NBAS: variants seen among roughly 807,000 people sequenced by gnomAD.
The protein encoded by NBAS is NBAS subunit of NRZ tethering complex.
NBAS carries 219 observed loss-of-function variants against 302.5 expected under a neutral mutation model. The observed-to-expected ratio is 0.72, with a 90% CI of 0.65 to 0.81. The LOEUF (loss-of-function observed/expected upper bound fraction) is 0.81, where lower values mean the gene tolerates loss of function less well. Ranked by LOEUF, NBAS falls within the 30% of genes least tolerant of loss-of-function variation. NBAS has a pLI of 0.00. For missense variants in NBAS, 2,932 were observed against 2,841.6 expected (o/e 1.03, Z -0.72); for synonymous variants, 1,118 against 1,021.6 (o/e 1.09, Z -1.80).
intron 51 of NBAS, among the ~76,000 whole-genome samples, chr2:15,174,490 AC>A (rs972325011): frequency 2.0e-5 from 3 of 152,128 alleles, no homozygotes; most frequent in African/African-American, 7.2e-5. Context: ...TCATAATCTC[AC>A]CCAAAATGGC....
intron 48 of NBAS, among the ~76,000 whole-genome samples, chr2:15,206,100 A>G (rs954084139): frequency 6.6e-6 from 1 of 152,210 alleles, no homozygotes; most frequent in African/African-American, 2.4e-5. Flanking sequence ...AGAGACTTTA[A>G]TGGTTTTGAC....
intron 11 of NBAS, among the ~76,000 whole-genome samples, chr2:15,495,370 A>C (rs544500007): frequency 6.6e-6 from 1 of 152,326 alleles, no homozygotes; most frequent in South Asian, 2.1e-4. Context: ...ATTTATAAGA[A>C]TACATGGACA....
intron 12 of NBAS, among the ~76,000 whole-genome samples, chr2:15,479,906 A>G (rs1680354596): frequency 6.6e-6 from 1 of 152,254 alleles, no homozygotes; most frequent in South Asian, 2.1e-4. Context: ...TAAATGTCGA[A>G]TAAGTAAATC....
the NBAS span, among the ~76,000 whole-genome samples, chr2:15,009,721 C>T: frequency 3.7e-3 from 291 of 78,594 alleles, 1 homozygote; most frequent in Non-Finnish European, 5.5e-3. Flanking sequence ...TATATATATA[C>T]GGTGCATATG....
At chr2:14,798,055 CCTT>C in the NBAS span, among the ~76,000 whole-genome samples, 114 of 152,206 alleles carry the variant, frequency 7.5e-4, 1 homozygote, top group African/African-American at 1.7e-3. Context: ...AATAGGGTTT[CCTT>C]CTTCTTTTCT....
At chr2:15,040,245 C>A in the NBAS span, among the ~76,000 whole-genome samples, 29 of 152,288 alleles carry the variant, frequency 1.9e-4, no homozygotes, top group African/African-American at 7.0e-4. Context: ...ACTCATTTAA[C>A]CTCGCCACAG....
At chr2:15,079,474 G>A in the NBAS span, among the ~76,000 whole-genome samples, 1 of 152,114 alleles carries the variant, frequency 6.6e-6, no homozygotes, top group African/African-American at 2.4e-5. Context: ...TGAGGTCTCA[G>A]CTGGGATCTG....
At chr2:15,524,489 T>C (rs1662826508) in intron 9 of NBAS, among the ~76,000 whole-genome samples, 1 of 152,208 alleles carries the variant, frequency 6.6e-6, no homozygotes, top group African/African-American at 2.4e-5. Context: ...CACACATGCA[T>C]ACACATGCTC....
chr2:14,903,329 A>C, the NBAS span, among the ~76,000 whole-genome samples: 3 of 139,556 alleles, frequency 2.1e-5, no homozygotes, highest in Non-Finnish European at 3.1e-5. Flanking sequence ...AAGCTTTGCA[A>C]AAAAAAAAAA....
chr2:14,974,404 C>T, the NBAS span, among the ~76,000 whole-genome samples: 13 of 152,258 alleles, frequency 8.5e-5, no homozygotes, highest in Middle Eastern at 6.8e-3. Flanking sequence ...AATGACTTTG[C>T]TGGTAGGGGA....
chr2:14,784,354 G>C, the NBAS span, among the ~76,000 whole-genome samples: 2 of 152,150 alleles, frequency 1.3e-5, no homozygotes, highest in African/African-American at 4.8e-5. Flanking sequence ...GGCTTTTGTT[G>C]CCACTGCTTT....
At chr2:14,837,250 G>C in the NBAS span, among the ~76,000 whole-genome samples, 1 of 151,804 alleles carries the variant, frequency 6.6e-6, no homozygotes, top group African/African-American at 2.4e-5. Context: ...GAAAATCTTT[G>C]TAGTAGATGC....
chr2:15,474,717 C>T (rs767745325), intron 14 of NBAS, among the ~76,000 whole-genome samples: 2 of 152,076 alleles, frequency 1.3e-5, no homozygotes, highest in Admixed American at 6.5e-5. Flanking sequence ...CCCGCCACCA[C>T]GCCCAGCCAA....
intron 47 of NBAS, 128 bp from the exon 48 acceptor site, chr2:15,219,096 G>A (rs1332615059): frequency 2.1e-5 from 24 of 1,136,420 alleles, no homozygotes; most frequent in Non-Finnish European, 3.0e-5. Flanking sequence ...CTCTTGAAAG[G>A]AAAAATTTTG....
chr2:15,391,106 T>C (rs937228691), intron 28 of NBAS, among the ~76,000 whole-genome samples: 5 of 148,482 alleles, frequency 3.4e-5, no homozygotes, highest in African/African-American at 1.3e-4. Flanking sequence ...CAAGATTCCA[T>C]CTCAAAAAAA....
chr2:14,820,993 G>A, the NBAS span, among the ~76,000 whole-genome samples: 5 of 151,544 alleles, frequency 3.3e-5, no homozygotes, highest in Middle Eastern at 3.4e-3. Context: ...GCAGTGGCGC[G>A]ATCTTGGCTC....
the NBAS span, among the ~76,000 whole-genome samples, chr2:14,817,713 C>T: frequency 3.3e-5 from 5 of 152,110 alleles, no homozygotes; most frequent in Non-Finnish European, 7.3e-5. Flanking sequence ...TTCTCCTCTA[C>T]AGAGAACTAT....
At chr2:14,916,099 G>C in the NBAS span, among the ~76,000 whole-genome samples, 2,661 of 150,674 alleles carry the variant, frequency 0.018, 45 homozygotes, top group Middle Eastern at 0.062. Context: ...TTTTTTTTTC[G>C]TCTTTAAAAT....
intron 38 of NBAS, among the ~76,000 whole-genome samples, chr2:15,323,857 AAAAACAAAAC>A (rs997053651): frequency 7.9e-5 from 12 of 151,782 alleles, no homozygotes; most frequent in East Asian, 3.9e-4. Context: ...CAAAAAAACA[AAAAACAAAAC>A]AAAACAAAAC....
Sources: gnomAD v4.1 joint callset for allele counts (sites outside exome capture counted in the v4.1 genomes callset) on GRCh38, gnomAD v4.1.1 for gene constraint, MANE v1.5 for transcripts, NCBI Gene and HGNC (gene_info 2026-07-23, HGNC 2026-07-21) for gene names.